Variants in GAB2 observed in about 807,000 individuals in gnomAD.
GAB2 encodes the protein GRB2 associated binding protein 2, also known as GRB2-associated-binding protein 2.
In GAB2, 26 loss-of-function variants were observed where a neutral mutation model predicts 65.5. The ratio of observed to expected loss-of-function variants is 0.40; its 90% CI spans 0.29 to 0.55. GAB2 has a LOEUF of 0.55. GAB2 is among the 20% of genes least tolerant of loss of function. GAB2 has a pLI of 0.53. For missense variants in GAB2, 884 were observed against 875.8 expected, an observed-to-expected ratio of 1.01 and a Z score of -0.12; for synonymous variants, 321 against 329.6, an observed-to-expected ratio of 0.97 and a Z score of 0.28.
intron 3 of GAB2, among the ~76,000 whole-genome samples, chr11:78,240,679 A>C (rs1421346440): frequency 1.3e-5 from 2 of 152,142 alleles, no homozygotes; most frequent in Non-Finnish European, 2.9e-5. Flanking sequence ...ATTGAGCCTT[A>C]TTGACTCAGG....
chr11:78,284,421 T>A (rs1866417630), intron 1 of GAB2, among the ~76,000 whole-genome samples: 1 of 152,174 alleles, frequency 6.6e-6, no homozygotes, highest in Non-Finnish European at 1.5e-5. Context: ...AAAGCCAAAG[T>A]CCCCACAATG....
chr11:78,368,995 G>A (rs116111387), intron 1 of GAB2, among the ~76,000 whole-genome samples: 1,514 of 151,154 alleles, frequency 0.01, 26 homozygotes, highest in African/African-American at 0.035. Context: ...TTATATTTAC[G>A]GGCATGGTGG....
At position 78,291,601 on chromosome 11, in the gene GAB2, T is replaced by TC. The variant is rs1211158046; in HGVS notation, c.76-10701dup. On this transcript the variant is annotated intron_variant, in intron 1 of 9. Transcript: ENST00000361507. The stretch of plus-strand genomic sequence containing the variant: ...TTTTTTTTTTTTTTGCGACAGGGTC[T>TC]CCCTCTGTTGCCCAGACGGGAGTGC... 6.3e-4 allele frequency among the ~76,000 whole-genome samples: 76 copies of TC among 120,676 alleles called. 2 individuals are homozygous for TC. Among genetic ancestry groups the TC allele is most frequent in the Non-Finnish European group, 1.2e-3 (70 of 60,676 alleles). The allele number at this position is 120,676 out of a possible 152,430, so 79.2% of individuals were successfully genotyped here. A position where few individuals can be genotyped will look rare whatever the true frequency, so the allele number is the denominator to read the frequency against.
At chr11:78,336,536 T>G (rs2134685269) in intron 1 of GAB2, among the ~76,000 whole-genome samples, 1 of 149,880 alleles carries the variant, frequency 6.7e-6, no homozygotes, top group East Asian at 2.0e-4. Flanking sequence ...GATCATATCA[T>G]GAGCAAACAA....
At chr11:78,260,010 T>C (rs775731473) in intron 2 of GAB2, among the ~76,000 whole-genome samples, 6 of 152,234 alleles carry the variant, frequency 3.9e-5, no homozygotes, top group Non-Finnish European at 8.8e-5. Flanking sequence ...GTATCACTCA[T>C]TATTTGCATG....
intron 6 of GAB2, among the ~76,000 whole-genome samples, chr11:78,223,074 C>T (rs1430555699): frequency 6.6e-6 from 1 of 152,176 alleles, no homozygotes; most frequent in Non-Finnish European, 1.5e-5. Context: ...CCTAGCTATC[C>T]TACTCCTCCC....
chr11:78,376,702 G>C (rs1856635182), intron 1 of GAB2, among the ~76,000 whole-genome samples: 2 of 152,196 alleles, frequency 1.3e-5, no homozygotes, highest in Admixed American at 1.3e-4. Flanking sequence ...TCTAATCTAG[G>C]CTCATGATGA....
intron 1 of GAB2, among the ~76,000 whole-genome samples, chr11:78,409,272 C>T (rs1857094351): frequency 6.6e-6 from 1 of 152,040 alleles, no homozygotes; most frequent in Non-Finnish European, 1.5e-5. Flanking sequence ...GAAGATGTTG[C>T]AATTCTAAAT....
At chr11:78,331,890 C>T (rs1855920927) in intron 1 of GAB2, among the ~76,000 whole-genome samples, 3 of 152,064 alleles carry the variant, frequency 2.0e-5, no homozygotes, top group Admixed American at 2.0e-4. Context: ...CCAGAGGACA[C>T]CATCCGGACC....
intron 1 of GAB2, among the ~76,000 whole-genome samples, chr11:78,346,721 A>ATTTT (rs1491548868): frequency 2.9e-5 from 1 of 34,600 alleles, no homozygotes; most frequent in Non-Finnish European, 5.3e-5. Context: ...ATATATATAT[A>ATTTT]ATTTTTTTTT....
In GAB2 at chr11:78,241,454, A is replaced by G. The variant is rs139158832; in HGVS notation, c.620+8703T>C. On this transcript the variant is annotated intron_variant, in intron 3 of 9. Transcript: ENST00000361507. ...AGCACCAAAGGAACTCTGGCTAGTA[A>G]CTAGAGCCCAGTGAAAAGGAGATCA... 2.9e-3 allele frequency among the ~76,000 whole-genome samples: 445 copies of G among 152,350 alleles called. 2 individuals carry two copies. Among genetic ancestry groups the G allele is most frequent in the African/African-American group, 0.01 (430 of 41,568 alleles).
chr11:78,298,133 A>G lies in GAB2; in HGVS notation c.76-17232T>C, dbSNP rs183220447. ...AAGTAGGGCAAGAGCATGAGTAGGA[A>G]GCCCAGATAGACTACTGCTCAAGAA... On this transcript the variant is annotated intron_variant, in intron 1 of 9. Transcript: ENST00000361507. Among the ~76,000 whole-genome samples the G allele has an allele frequency of 1.6e-3, 250 of 152,336 alleles. 3 individuals are homozygous for G. In the Middle Eastern group the frequency reaches 0.02, roughly 12 times the overall value.
At chr11:78,349,271 G>C (rs907130731) in intron 1 of GAB2, among the ~76,000 whole-genome samples, 17 of 152,170 alleles carry the variant, frequency 1.1e-4, no homozygotes, top group Non-Finnish European at 2.5e-4. Flanking sequence ...CATATCTCAC[G>C]ATCACTGGGA....
Position 78,346,682 on chromosome 11 carries a change from T to C in GAB2, c.76-65781A>G, listed in dbSNP as rs1314553478. 3.0e-3 allele frequency among the ~76,000 whole-genome samples: 53 copies of C among 17,602 alleles called. 2 individuals are homozygous for C. The highest frequency in any genetic ancestry group is 7.0e-3 in the African/African-American group (50 of 7,190). 11.5% of individuals were successfully genotyped at this position (17,602 alleles called of 152,430 possible). On this transcript the variant is annotated intron_variant, in intron 1 of 9. Transcript: ENST00000361507. ...TCTGTTTACATCCCCTCCATATATA[T>C]ATATATATATATATATATATATATA...
chr11:78,305,003 G>A (rs921496825), intron 1 of GAB2, among the ~76,000 whole-genome samples: 2 of 152,158 alleles, frequency 1.3e-5, no homozygotes, highest in African/African-American at 4.8e-5. Context: ...CTCTCTCTGG[G>A]AGGACAGGCA....
chr11:78,305,957 C>A (rs571599312), intron 1 of GAB2, among the ~76,000 whole-genome samples: 1 of 152,278 alleles, frequency 6.6e-6, no homozygotes, highest in African/African-American at 2.4e-5. Context: ...TGTCCTTAAT[C>A]CTTCTCTGAG....
At position 78,224,993 on chromosome 11, in the gene GAB2, G is replaced by C. The variant is rs768398704; in HGVS notation, c.1302+115C>G. 1.5e-4 allele frequency: 104 copies of C among 673,828 alleles called. 1 individual carries two copies. Among genetic ancestry groups the C allele is most frequent in the Middle Eastern group, 8.1e-4 (2 of 2,474 alleles). 41.7% of individuals were successfully genotyped at this position (673,828 alleles called of 1,614,324 possible). ...CTGAACTGAGACAAGAACTTGGGCA[G>C]GGTCCTAAGATGGAGACGCCATCAA... is the stretch of plus-strand genomic sequence containing the variant. On this transcript the variant is annotated intron_variant, in intron 5 of 9. Transcript: ENST00000361507.
At chr11:78,309,581 C>T (rs1346497078) in intron 1 of GAB2, among the ~76,000 whole-genome samples, 2 of 151,918 alleles carry the variant, frequency 1.3e-5, no homozygotes, top group Admixed American at 6.6e-5. Flanking sequence ...AGGGGATCCT[C>T]CCACCTCAGC....
At chr11:78,221,859 C>T in intron 7 of GAB2, 80 bp from the exon 8 acceptor site, 1 of 912,464 alleles carries the variant, frequency 1.1e-6, no homozygotes, top group Non-Finnish European at 1.8e-6. Flanking sequence ...GGGCCCTGAC[C>T]CTCACACACC....
Sources: allele counts gnomAD v4.1 joint callset (sites outside exome capture counted in the v4.1 genomes callset), GRCh38; gene constraint gnomAD v4.1.1; transcripts MANE v1.5; gene names NCBI Gene and HGNC (gene_info 2026-07-23, HGNC 2026-07-21).